The following XDH variants were observed in gnomAD, a reference collection of about 807,000 sequenced individuals.
XDH encodes the protein xanthine dehydrogenase.
A neutral mutation model predicts 156.1 loss-of-function variants in XDH; 138 were observed. The ratio of observed to expected loss-of-function variants is 0.88; its 90% CI spans 0.77 to 1.02. XDH has a LOEUF of 1.02. Ranked by LOEUF, XDH falls within the 50% of genes least tolerant of loss-of-function variation. The pLI, the probability that XDH is intolerant of heterozygous loss-of-function variation, is 0.00. For synonymous variants in XDH, 669 were observed against 625.7 expected (o/e 1.07, Z -1.03); for missense variants, 1,849 against 1,684.9 (o/e 1.10, Z -1.71).
In XDH at chr2:31,347,584, C is replaced by T; in HGVS notation, c.3214G>A (p.Val1072Met). Reference protein sequence around the residue: ...IYISETSTNTVPNTSPTAASV... With the variant: ...IYISETSTNTMPNTSPTAASV... The stretch of plus-strand genomic sequence containing the variant: ...GCAGCCGTGGGAGAGGTGTTGGGCA[C>T]AGTGTTAGTGCTTGTCTCGCTGATA... Residue 1072 changes from valine to methionine, a missense_variant, in exon 29 of 36, where the codon GTG becomes ATG. Physicochemically the swap from Val to Met is conservative, Grantham distance 21. Coordinates refer to ENST00000379416, the MANE Select transcript of XDH (RefSeq NM_000379.4). 6.2e-7 allele frequency: 1 copy of T among 1,614,126 alleles called. No individual in the cohort carries two copies. Among genetic ancestry groups the T allele is most frequent in the Non-Finnish European group, 8.5e-7 (1 of 1,180,028 alleles).
At position 31,414,625 on chromosome 2, in the gene XDH, C is replaced by T. The variant is rs779801535; in HGVS notation, c.42G>A (p.Lys14=). 6 of 1,614,104 alleles carry T rather than the reference C, an allele frequency of 3.7e-6. No individual in the cohort carries two copies. Among genetic ancestry groups the T allele is most frequent in the South Asian group, 3.3e-5 (3 of 91,074 alleles). Residue 14 remains lysine, a splice_region_variant and synonymous_variant, in exon 1 of 36, where the codon AAG becomes AAA. Coordinates refer to ENST00000379416, the MANE Select transcript of XDH (RefSeq NM_000379.4). ...AAACCAAAGGTCAGCTCCTACTTAC[C>T]TTTCTGCCATTCACAAAGAAAACCA... ...DKLVFFVNGR[K]VVEKNADPET... is the part of the protein sequence containing the mutation.
chr2:31,365,909 T>G, intron 22 of XDH, 67 bp downstream of exon 22: 1 of 1,612,142 alleles, frequency 6.2e-7, no homozygotes, highest in Non-Finnish European at 8.5e-7. Context: ...CCTGAAAACC[T>G]TCCTGGCACA....
At chr2:31,366,602 G>T (rs1194624584) in intron 21 of XDH, among the ~76,000 whole-genome samples, 1 of 152,154 alleles carries the variant, frequency 6.6e-6, no homozygotes, top group East Asian at 1.9e-4. Flanking sequence ...CCAAACTCTA[G>T]TCTAAATATT....
chr2:31,357,618 C>T (rs12478123), intron 24 of XDH, among the ~76,000 whole-genome samples: 104,289 of 151,738 alleles, frequency 0.69, 36,539 homozygotes, highest in East Asian at 0.85. Context: ...GAATGAGTAA[C>T]ATCTAGCATA....
At chr2:31,395,152 T>C (rs988490980) in intron 6 of XDH, among the ~76,000 whole-genome samples, 24 of 152,180 alleles carry the variant, frequency 1.6e-4, no homozygotes, top group African/African-American at 5.8e-4. Context: ...AATAGGCCTT[T>C]AGTTAATGTA....
chr2:31,340,608 T>C (rs1391479715), intron 33 of XDH, among the ~76,000 whole-genome samples: 1 of 152,130 alleles, frequency 6.6e-6, no homozygotes, highest in Non-Finnish European at 1.5e-5. Flanking sequence ...TAGCTGGGAT[T>C]ACAGGTGCAT....
At chr2:31,381,835 T>A in intron 11 of XDH, 109 bp from the exon 12 acceptor site, 2 of 943,550 alleles carry the variant, frequency 2.1e-6, no homozygotes, top group Non-Finnish European at 3.4e-6. Flanking sequence ...GGCAAACCCC[T>A]GAGGTCCTGT....
Position 31,383,069 on chromosome 2 carries a change from T to C in XDH, c.970A>G (p.Thr324Ala). ...TCCAGGACCCCTCTGAACACCTCTG[T>C]CTTTTGGGCAGGAAGCTTAGCAACA... ...DAVAKLPAQK[T>A]EVFRGVLEQL... Residue 324 changes from threonine to alanine, a missense_variant, in exon 11 of 36, where the codon ACA (threonine) becomes GCA (alanine). Thr to Ala is a moderately conservative substitution (Grantham distance 58, BLOSUM62 0). Coordinates refer to ENST00000379416, the MANE Select transcript of XDH (RefSeq NM_000379.4). 3 of 1,614,140 alleles carry C rather than the reference T, an allele frequency of 1.9e-6. No individual in the cohort carries two copies. Among genetic ancestry groups the C allele is most frequent in the Non-Finnish European group, 2.5e-6 (3 of 1,180,034 alleles).
rs1355138567 is a variant in XDH, at chr2:31,388,446, G to A, written c.496-151C>T. ...GCATCCTGCCTGCCTGTTGCCCAGAGTGGAGGCCTCCGCTACATTCCCTCT... is the reference window on the plus strand; with the variant it reads ...GCATCCTGCCTGCCTGTTGCCCAGAATGGAGGCCTCCGCTACATTCCCTCT... On this transcript the variant is annotated intron_variant, in intron 6 of 35. Transcript: ENST00000379416. The A allele has an allele frequency of 3.1e-5, 25 of 817,100 alleles. 1 individual carries two copies. Among genetic ancestry groups the A allele is most frequent in the Non-Finnish European group, 5.1e-5 (25 of 488,822 alleles). 50.6% of individuals were successfully genotyped at this position (817,100 alleles called of 1,614,324 possible). A position where few individuals can be genotyped will look rare whatever the true frequency, so the allele number is the denominator to read the frequency against.
At chr2:31,395,777 C>G (rs945952450) in intron 6 of XDH, among the ~76,000 whole-genome samples, 4 of 152,218 alleles carry the variant, frequency 2.6e-5, no homozygotes, top group African/African-American at 9.7e-5. Flanking sequence ...CCTGTGACCT[C>G]ATTCCTCTGA....
chr2:31,408,643 T>C (rs749321073), intron 1 of XDH, among the ~76,000 whole-genome samples: 2 of 152,220 alleles, frequency 1.3e-5, no homozygotes, highest in South Asian at 4.1e-4. Context: ...ATAAATATGA[T>C]TGGCCATCTT....
rs1049618007 is a variant in XDH at position 31,365,963 on chromosome 2, C to T, written c.2456+13G>A. 11 of 1,614,052 alleles carry T rather than the reference C, an allele frequency of 6.8e-6. No individual in the cohort carries two copies. In the African/African-American group the frequency reaches 9.3e-5, roughly 14 times the overall value. On this transcript the variant is annotated intron_variant, in intron 22 of 35. Transcript: ENST00000379416. Reference sequence around the variant, plus strand: ...CCCAGAGCCAGATGGGAGAAACAGGCTTTGGAACTCACTTATATGCAGCCA... The same window carrying T: ...CCCAGAGCCAGATGGGAGAAACAGGTTTTGGAACTCACTTATATGCAGCCA...
intron 1 of XDH, among the ~76,000 whole-genome samples, chr2:31,410,432 A>G (rs1035724394): frequency 5.3e-5 from 8 of 152,246 alleles, no homozygotes; most frequent in African/African-American, 1.9e-4. Context: ...ATGGATACTC[A>G]AATTAGTGGG....
intron 24 of XDH, among the ~76,000 whole-genome samples, chr2:31,351,178 A>G (rs998658715): frequency 2.6e-5 from 4 of 152,162 alleles, no homozygotes; most frequent in Middle Eastern, 3.2e-3. Context: ...TCAACAGTCA[A>G]TTTAATATTA....
At position 31,377,238 on chromosome 2, in the gene XDH, C is replaced by T; in HGVS notation, c.1243-1G>A. 6.2e-7 allele frequency: 1 copy of T among 1,614,074 alleles called. No homozygotes were observed. Among genetic ancestry groups the T allele is most frequent in the Non-Finnish European group, 8.5e-7 (1 of 1,180,030 alleles). ...GCTTGAATGCTGAGAAATACTCCCC[C>T]TAAAAGAGATCAGGAAGGTGCCTGT... On this transcript the variant is annotated splice_acceptor_variant, in intron 13 of 35. Coordinates refer to ENST00000379416, the MANE Select transcript of XDH (RefSeq NM_000379.4). LOFTEE classifies it high-confidence loss of function.
At position 31,350,106 on chromosome 2, in the gene XDH, C is replaced by T; in HGVS notation, c.2749G>A (p.Gly917Arg). The change falls in exon 25 of 36, where the codon GGG becomes AGG. Residue 917 changes from glycine (G) to arginine (R), a missense_variant. Gly to Arg is a moderately radical substitution (Grantham distance 125). Coordinates refer to ENST00000379416, the MANE Select transcript of XDH (RefSeq NM_000379.4). The stretch of plus-strand genomic sequence containing the variant: ...TCGGCAATGAGCATCCCCTGGGGCC[C>T]CCCAAAGCCCCGGAAGGCCGTGTTG... Reference protein sequence around the residue: ...PSNTAFRGFGGPQGMLIAECW... With the variant: ...PSNTAFRGFGRPQGMLIAECW... 1 of 1,614,262 alleles carries T rather than the reference C, an allele frequency of 6.2e-7. No individual in the cohort carries two copies. Among genetic ancestry groups the T allele is most frequent in the Non-Finnish European group, 8.5e-7 (1 of 1,180,050 alleles).
Position 31,381,691 on chromosome 2 carries a change from G to T in XDH, c.1074C>A (p.Ile358=). ...CCATGAACACGGGGTTGAGGTCGGA[G>T]ATGGGGCTGGCAGTGATGATGTTCC... ...VGGNIITASP[I]SDLNPVFMAS... Residue 358 remains isoleucine (I), a synonymous_variant, in exon 12 of 36, where the codon ATC becomes ATA. Coordinates refer to ENST00000379416, the MANE Select transcript of XDH (RefSeq NM_000379.4). 6.2e-7 allele frequency: 1 copy of T among 1,614,056 alleles called. No individual in the cohort carries two copies. Among genetic ancestry groups the T allele is most frequent in the Non-Finnish European group, 8.5e-7 (1 of 1,180,002 alleles).
At chr2:31,338,048 G>T (rs1386579476) in intron 34 of XDH, among the ~76,000 whole-genome samples, 1 of 152,184 alleles carries the variant, frequency 6.6e-6, no homozygotes, top group Non-Finnish European at 1.5e-5. Context: ...ATATTTCTTT[G>T]AACACTCATG....
chr2:31,405,956 C>T lies in XDH; in HGVS notation c.51G>A (p.Glu17=). The T allele has an allele frequency of 6.2e-7, 1 of 1,614,142 alleles. No individual in the cohort carries two copies. Among genetic ancestry groups the T allele is most frequent in the Non-Finnish European group, 8.5e-7 (1 of 1,180,012 alleles). Residue 17 remains glutamate (E), a synonymous_variant, in exon 2 of 36, where the codon GAG becomes GAA. Coordinates refer to ENST00000379416, the MANE Select transcript of XDH (RefSeq NM_000379.4). ...VFFVNGRKVV[E]KNADPETTLL... ...GGGTTGTCTCTGGATCTGCATTTTTCTCCACCACCTATTAAAATAAATGAA... is the reference window on the plus strand; with the variant it reads ...GGGTTGTCTCTGGATCTGCATTTTTTTCCACCACCTATTAAAATAAATGAA...
Sources: gnomAD v4.1 joint callset for allele counts (sites outside exome capture counted in the v4.1 genomes callset) on GRCh38, gnomAD v4.1.1 for gene constraint, MANE v1.5 for transcripts, NCBI Gene and HGNC (gene_info 2026-07-23, HGNC 2026-07-21) for gene names.